The following EAPP variants were observed in gnomAD, a reference collection of about 807,000 sequenced individuals.
EAPP encodes E2F-associated phosphoprotein.
Under a neutral mutation model 34.3 loss-of-function variants are expected in EAPP, and 38 were observed. The ratio of observed to expected loss-of-function variants is 1.11; its 90% CI spans 0.85 to 1.45. The LOEUF (loss-of-function observed/expected upper bound fraction) is 1.45, where lower values mean the gene tolerates loss of function less well. EAPP is among the 40% of genes most tolerant of loss of function. The pLI, the probability that EAPP is intolerant of heterozygous loss-of-function variation, is 0.00. For missense variants in EAPP, 338 were observed against 343.7 expected, an observed-to-expected ratio of 0.98 and a Z score of 0.13; for synonymous variants, 113 against 117.6, an observed-to-expected ratio of 0.96 and a Z score of 0.25.
At position 34,516,576 on chromosome 14, in the gene EAPP, A is replaced by G; in HGVS notation, c.592T>C (p.Tyr198His). Residue 198 changes from tyrosine to histidine, a missense_variant, in exon 6 of 6, where the codon TAC (tyrosine) becomes CAC (histidine). Transcript: ENST00000250454. ...LCLDCQRHES[Y>H]KTQYRAMFVM... ...AACATTGCTCTATATTGAGTTTTGT[A>G]TGATTCATGCCTAAGAGAAAAATGA... 15 of 1,611,832 alleles carry G rather than the reference A, an allele frequency of 9.3e-6. No individual in the cohort carries two copies. Among genetic ancestry groups the G allele is most frequent in the Non-Finnish European group, 1.3e-5 (15 of 1,179,094 alleles).
chr14:34,516,120 A>G lies in EAPP; in HGVS notation c.*190T>C, dbSNP rs1369323203. The G allele has an allele frequency of 1.2e-5, 6 of 518,212 alleles. No individual in the cohort carries two copies. The highest frequency in any genetic ancestry group is 2.0e-5 in the Non-Finnish European group (6 of 306,424). The allele number at this position is 518,212 out of a possible 1,614,324, so 32.1% of individuals were successfully genotyped here. ...AATATCAGTCCCATCAATAAGGGGGAAAATCAAAGAAAAAAAAAAGGAGAG... is the reference window on the plus strand; with the variant it reads ...AATATCAGTCCCATCAATAAGGGGGGAAATCAAAGAAAAAAAAAAGGAGAG... On this transcript the variant is annotated 3_prime_UTR_variant, in exon 6 of 6. Coordinates refer to ENST00000250454, the MANE Select transcript of EAPP (RefSeq NM_018453.4).
intron 3 of EAPP, among the ~76,000 whole-genome samples, chr14:34,531,332 G>A (rs1387282241): frequency 6.6e-6 from 1 of 151,534 alleles, no homozygotes; most frequent in East Asian, 2.0e-4. Context: ...GCTGGGCGCG[G>A]TGGCTCATGC....
At position 34,533,490 on chromosome 14, in the gene EAPP, G is replaced by A. The variant is rs747644756; in HGVS notation, c.306C>T (p.Tyr102=). ...GKVATAPTRY[Y]DDIYFDSDSE... The stretch of plus-strand genomic sequence containing the variant: ...AATCAGAATCAAAATATATATCATC[G>A]TAGTACCTTGTCGGAGCTGTTGCAA... The change falls in exon 3 of 6, where the codon TAC becomes TAT. Residue 102 remains tyrosine, a synonymous_variant. Transcript: ENST00000250454. The A allele has an allele frequency of 9.3e-6, 15 of 1,605,476 alleles. No individual in the cohort carries two copies. The highest frequency in any genetic ancestry group is 9.0e-5 in the East Asian group (4 of 44,416).
At chr14:34,532,449 C>G (rs148803442) in intron 3 of EAPP, among the ~76,000 whole-genome samples, 17 of 147,168 alleles carry the variant, frequency 1.2e-4, no homozygotes, top group Non-Finnish European at 2.5e-4. Flanking sequence ...GCAACAAGAG[C>G]GAAACTCCAT....
chr14:34,526,035 T>TA (rs1199589674), intron 4 of EAPP, among the ~76,000 whole-genome samples: 3 of 146,750 alleles, frequency 2.0e-5, no homozygotes, highest in East Asian at 4.2e-4. Context: ...AAATAAAAAA[T>TA]AAAAAAAATA....
Position 34,529,360 on chromosome 14 carries a change from C to A in EAPP, c.468G>T (p.Arg156Ser). 6.3e-7 allele frequency: 1 copy of A among 1,587,884 alleles called. No individual in the cohort carries two copies. The highest frequency in any genetic ancestry group is 1.1e-5 in the South Asian group (1 of 88,360). The change falls in exon 4 of 6, where the codon AGG (arginine) becomes AGT (serine). Residue 156 changes from arginine (R) to serine (S), a missense_variant and splice_region_variant. Physicochemically the swap from Arg to Ser is moderately radical, Grantham distance 110. Transcript: ENST00000250454. ...AAATATTAACTTTAAGTTCTTACCC[C>A]CTTCTCTGTGCATCAACCCAGGCCT... ...RDQAWVDAQR[R>S]GYHGLGPQRS... is the part of the protein sequence containing the mutation.
At chr14:34,526,899 G>C (rs780143593) in intron 4 of EAPP, among the ~76,000 whole-genome samples, 1 of 151,242 alleles carries the variant, frequency 6.6e-6, no homozygotes, top group Non-Finnish European at 1.5e-5. Flanking sequence ...GACCGGGTGC[G>C]GTGGCTCATG....
intron 5 of EAPP, among the ~76,000 whole-genome samples, chr14:34,518,174 T>C (rs1479647815): frequency 6.6e-6 from 1 of 152,060 alleles, no homozygotes; most frequent in Non-Finnish European, 1.5e-5. Flanking sequence ...AAATGTCAGT[T>C]AGGCTTCTTT....
chr14:34,528,625 C>T (rs1284407903), intron 4 of EAPP, among the ~76,000 whole-genome samples: 2 of 148,588 alleles, frequency 1.3e-5, no homozygotes, highest in African/African-American at 5.0e-5. Flanking sequence ...TCACTATGTT[C>T]GCCAGGCTGG....
intron 3 of EAPP, among the ~76,000 whole-genome samples, chr14:34,530,449 C>T (rs371987567): frequency 4.6e-5 from 7 of 152,234 alleles, no homozygotes; most frequent in African/African-American, 1.7e-4. Flanking sequence ...ATGGCTTGAG[C>T]CTAGGAGTCT....
At chr14:34,531,560 C>T (rs986224670) in intron 3 of EAPP, among the ~76,000 whole-genome samples, 1 of 150,556 alleles carries the variant, frequency 6.6e-6, no homozygotes, top group Non-Finnish European at 1.5e-5. Flanking sequence ...TGAGATGACG[C>T]CACTGCACTC....
Position 34,539,545 on chromosome 14 carries a change from G to T in EAPP, c.74+10C>A, listed in dbSNP as rs988691538. On this transcript the variant is annotated intron_variant, in intron 1 of 5. Transcript: ENST00000250454. The stretch of plus-strand genomic sequence containing the variant: ...AAATCCTCGGGGGCCAGGGTGGGGC[G>T]GGAGCCCACCTGCTCAAAGCCGGCT... The T allele has an allele frequency of 1.9e-6, 3 of 1,605,026 alleles. No individual in the cohort carries two copies. The highest frequency in any genetic ancestry group is 1.7e-5 in the Admixed American group (1 of 59,960).
chr14:34,524,727 C>A lies in EAPP; in HGVS notation c.551G>T (p.Cys184Phe). 6.2e-7 allele frequency: 1 copy of A among 1,607,484 alleles called. No homozygotes were observed. The highest frequency in any genetic ancestry group is 1.4e-5 in the African/African-American group (1 of 73,968). Residue 184 changes from cysteine to phenylalanine, a missense_variant, in exon 5 of 6, where the codon TGC becomes TTC. By Grantham distance (205) the Cys-to-Phe change is radical. Transcript: ENST00000250454. Reference protein sequence around the residue: ...NSDAVLNCPACMTTLCLDCQR... With the variant: ...NSDAVLNCPAFMTTLCLDCQR... The stretch of plus-strand genomic sequence containing the variant: ...GCAATCAAGGCAAAGTGTGGTCATG[C>A]AGGCAGGACAATTCAAGACAGCATC...
rs986791764 is a variant in EAPP, at chr14:34,526,028, TA to T, written c.471-1222del. Among the ~76,000 whole-genome samples, 4 of 146,564 alleles carry T rather than the reference TA, an allele frequency of 2.7e-5. No individual in the cohort carries two copies. The East Asian group carries it at 8.3e-4, about 31-fold the overall frequency. ...GAGCGAGACTCTGTCTCCAAAAAAA[TA>T]AAAAATAAAAAAAATAATAATGTAT... is the stretch of plus-strand genomic sequence containing the variant. On this transcript the variant is annotated intron_variant, in intron 4 of 5. Coordinates refer to ENST00000250454, the MANE Select transcript of EAPP (RefSeq NM_018453.4).
intron 3 of EAPP, 59 bp downstream of exon 3, chr14:34,533,385 T>A: frequency 7.3e-7 from 1 of 1,370,752 alleles, no homozygotes; most frequent in Non-Finnish European, 1.0e-6. Flanking sequence ...ATCTAATAAT[T>A]GTTAGGTAAA....
Position 34,516,364 on chromosome 14 carries a change from G to C in EAPP, c.804C>G (p.Val268=). 1 of 1,613,990 alleles carries C rather than the reference G, an allele frequency of 6.2e-7. No homozygotes were observed. The highest frequency in any genetic ancestry group is 8.5e-7 in the Non-Finnish European group (1 of 1,179,980). The change falls in exon 6 of 6, where the codon GTC becomes GTG. Residue 268 remains valine, a synonymous_variant. Transcript: ENST00000250454. ...AATGAAAGACTTCATCCTTGTCGTA[G>C]ACTGCCACTTCAGTGGAACATTCAG... ...MCTECSTEVA[V]YDKDEVFHFF... is the part of the protein sequence containing the mutation.
intron 5 of EAPP, among the ~76,000 whole-genome samples, chr14:34,517,682 A>G (rs1324320760): frequency 1.3e-5 from 2 of 151,746 alleles, no homozygotes; most frequent in African/African-American, 4.8e-5. Context: ...AATTTCATTA[A>G]TCTTCTGGCT....
chr14:34,525,135 T>C (rs1048649337), intron 4 of EAPP, among the ~76,000 whole-genome samples: 1 of 152,070 alleles, frequency 6.6e-6, no homozygotes, highest in Non-Finnish European at 1.5e-5. Context: ...TCCACGCTAA[T>C]ATAAATGTAC....
chr14:34,524,134 G>C (rs1192646946), intron 5 of EAPP, among the ~76,000 whole-genome samples: 1 of 152,112 alleles, frequency 6.6e-6, no homozygotes, highest in East Asian at 1.9e-4. Context: ...GCTCACAGCT[G>C]TAATCCCAGC....
Sources: allele counts gnomAD v4.1 joint callset (sites outside exome capture counted in the v4.1 genomes callset), GRCh38; gene constraint gnomAD v4.1.1; transcripts MANE v1.5; gene names NCBI Gene and HGNC (gene_info 2026-07-23, HGNC 2026-07-21).